HDAC9: variants seen among roughly 807,000 people sequenced by gnomAD.
The protein encoded by HDAC9 is MEF-2 interacting transcription repressor (MITR) protein.
A neutral mutation model predicts 139.4 loss-of-function variants in HDAC9; 41 were observed. That is an observed-to-expected ratio of 0.29 (90% confidence interval 0.23 to 0.38). HDAC9 has a LOEUF of 0.38. Ranked by LOEUF, HDAC9 falls within the 10% of genes least tolerant of loss-of-function variation. HDAC9 has a pLI of 1.00. For missense variants in HDAC9, 1,147 were observed against 1,297.0 expected, an observed-to-expected ratio of 0.88 and a Z score of 1.78; for synonymous variants, 517 against 476.2, an observed-to-expected ratio of 1.09 and a Z score of -1.12.
intron 1 of HDAC9, among the ~76,000 whole-genome samples, chr7:18,387,034 G>T (rs1369793992): frequency 6.6e-6 from 1 of 152,164 alleles, no homozygotes; most frequent in Non-Finnish European, 1.5e-5. Context: ...GCCAGTCTCA[G>T]ATCTGCCTAG....
intron 17 of HDAC9, among the ~76,000 whole-genome samples, chr7:18,808,784 A>C (rs1697878614): frequency 6.6e-6 from 1 of 152,026 alleles, no homozygotes; most frequent in South Asian, 2.1e-4. Context: ...AAGAGAAAAA[A>C]AATCCTAAAA....
intron 1 of HDAC9, among the ~76,000 whole-genome samples, chr7:18,446,949 G>A (rs112733090): frequency 3.2e-4 from 49 of 152,066 alleles, no homozygotes; most frequent in Non-Finnish European, 5.9e-4. Flanking sequence ...AAGATTCAAC[G>A]TATATCTAAG....
rs4001106 is a variant in HDAC9, at chr7:18,786,836, ATTCCTTCCTTCC to A, written c.2215-6501_2215-6490del. On this transcript the variant is annotated intron_variant, in intron 16 of 25. Coordinates refer to ENST00000686413, the MANE Select transcript of HDAC9 (RefSeq NM_178425.4). Reference sequence around the variant, plus strand: ...CCTTCCTTCATTCCTTCCTTCCTTCATTCCTTCCTTCCTTCCTTCTCTTTTCTTTCTTTGTTC... The same window carrying A: ...CCTTCCTTCATTCCTTCCTTCCTTCATTCCTTCTCTTTTCTTTCTTTGTTC... 3.8e-3 allele frequency among the ~76,000 whole-genome samples: 254 copies of A among 66,992 alleles called. 1 individual carries two copies. Among genetic ancestry groups the A allele is most frequent in the African/African-American group, 0.013 (245 of 19,338 alleles). The allele number at this position is 66,992 out of a possible 152,430, so 43.9% of individuals were successfully genotyped here. A position where few individuals can be genotyped will look rare whatever the true frequency, so the allele number is the denominator to read the frequency against.
At chr7:18,187,746 G>C (rs1447630861) in intron 2 of HDAC9, among the ~76,000 whole-genome samples, 2 of 152,114 alleles carry the variant, frequency 1.3e-5, no homozygotes, top group African/African-American at 4.8e-5. Flanking sequence ...ATCTAATTAT[G>C]TAATTTCTCG....
chr7:18,832,672 T>C (rs1202226133), intron 19 of HDAC9, among the ~76,000 whole-genome samples: 1 of 152,222 alleles, frequency 6.6e-6, no homozygotes, highest in East Asian at 1.9e-4. Flanking sequence ...AGATCATACC[T>C]GACCAATCAG....
At chr7:18,568,386 T>G (rs1220808239) in intron 2 of HDAC9, among the ~76,000 whole-genome samples, 1 of 152,218 alleles carries the variant, frequency 6.6e-6, no homozygotes, top group African/African-American at 2.4e-5. Context: ...TAGTGCTCAT[T>G]ATTCTCGTCT....
intron 17 of HDAC9, among the ~76,000 whole-genome samples, chr7:18,822,013 T>C (rs1795012118): frequency 6.6e-6 from 1 of 151,188 alleles, no homozygotes; most frequent in Admixed American, 6.6e-5. Flanking sequence ...TCTCCAAGTG[T>C]GCCACCCTTG....
intron 16 of HDAC9, among the ~76,000 whole-genome samples, chr7:18,768,980 G>A (rs1047622651): frequency 6.6e-6 from 1 of 152,166 alleles, no homozygotes; most frequent in South Asian, 2.1e-4. Flanking sequence ...TAACATAAAT[G>A]TTTGGCATGA....
chr7:18,131,441 T>C (rs1784998430), intron 1 of HDAC9, among the ~76,000 whole-genome samples: 1 of 152,192 alleles, frequency 6.6e-6, no homozygotes. Context: ...CCTTGGTTTC[T>C]TGGGAAATTA....
chr7:18,172,927 G>T (rs1433600479), intron 2 of HDAC9, among the ~76,000 whole-genome samples: 1 of 152,220 alleles, frequency 6.6e-6, no homozygotes, highest in African/African-American at 2.4e-5. Context: ...TGTATATTCT[G>T]TTGATTTGGG....
intron 24 of HDAC9, among the ~76,000 whole-genome samples, chr7:18,963,263 T>A (rs7808451): frequency 6.6e-6 from 1 of 151,914 alleles, no homozygotes; most frequent in Non-Finnish European, 1.5e-5. Context: ...GCACAAGAAA[T>A]CTTAAGATCC....
chr7:18,174,691 C>T (rs1044446647), intron 2 of HDAC9, among the ~76,000 whole-genome samples: 1 of 152,132 alleles, frequency 6.6e-6, no homozygotes, highest in African/African-American at 2.4e-5. Flanking sequence ...TGTTAGTTTT[C>T]CTTCTAACAA....
intron 1 of HDAC9, among the ~76,000 whole-genome samples, chr7:18,469,972 T>G (rs1483497540): frequency 6.6e-6 from 1 of 152,164 alleles, no homozygotes; most frequent in Non-Finnish European, 1.5e-5. Context: ...AGGTGATCTC[T>G]GTGCATAGCT....
intron 2 of HDAC9, among the ~76,000 whole-genome samples, chr7:18,172,110 T>A (rs1178350): frequency 6.6e-6 from 1 of 151,942 alleles, no homozygotes; most frequent in Admixed American, 6.5e-5. Flanking sequence ...TAATTATTGC[T>A]TCAATTTCAG....
intron 23 of HDAC9, among the ~76,000 whole-genome samples, chr7:18,947,949 T>C (rs1416813901): frequency 6.6e-6 from 1 of 152,026 alleles, no homozygotes; most frequent in Non-Finnish European, 1.5e-5. Context: ...ACTAATTCAT[T>C]ATAATTCATC....
At chr7:18,206,930 C>CTTTTTTTTTTTTT (rs58248823) in intron 2 of HDAC9, among the ~76,000 whole-genome samples, 4 of 124,548 alleles carry the variant, frequency 3.2e-5, no homozygotes, top group African/African-American at 3.0e-5. Context: ...GATATCTTTT[C>CTTTTTTTTTTTTT]TTTTTTTTTT....
At chr7:18,097,156 G>A (rs769144745) in intron 1 of HDAC9, among the ~76,000 whole-genome samples, 13 of 152,178 alleles carry the variant, frequency 8.5e-5, no homozygotes, top group Admixed American at 4.6e-4. Flanking sequence ...CTAGTGGGCA[G>A]CACAGACCCA....
intron 23 of HDAC9, among the ~76,000 whole-genome samples, chr7:18,953,602 T>C (rs1030965808): frequency 6.6e-6 from 1 of 152,168 alleles, no homozygotes; most frequent in Non-Finnish European, 1.5e-5. Flanking sequence ...TGTACAGTTA[T>C]TTTACATTTG....
chr7:18,284,871 A>C (rs1797335285), intron 2 of HDAC9, among the ~76,000 whole-genome samples: 1 of 152,180 alleles, frequency 6.6e-6, no homozygotes, highest in South Asian at 2.1e-4. Context: ...TAAGTCAGAC[A>C]TGATTTTCAG....
Sources: gnomAD v4.1 joint callset for allele counts (sites outside exome capture counted in the v4.1 genomes callset) on GRCh38, gnomAD v4.1.1 for gene constraint, MANE v1.5 for transcripts, NCBI Gene and HGNC (gene_info 2026-07-23, HGNC 2026-07-21) for gene names.